The following ATF6 variants were observed in gnomAD, a reference collection of about 807,000 sequenced individuals.
ATF6 encodes activating transcription factor 6.
A neutral mutation model predicts 83.6 loss-of-function variants in ATF6; 53 were observed. The observed-to-expected ratio is 0.63, with a 90% CI of 0.51 to 0.80. The LOEUF is 0.80. ATF6 is among the 30% of genes least tolerant of loss of function. ATF6 has a pLI of 0.00. For missense variants in ATF6, 744 were observed against 797.9 expected, an observed-to-expected ratio of 0.93 and a Z score of 0.81; for synonymous variants, 288 against 285.8, an observed-to-expected ratio of 1.01 and a Z score of -0.08.
Position 161,795,775 on chromosome 1 carries a change from A to G in ATF6, c.688+3448A>G, listed in dbSNP as rs540439717. On this transcript the variant is annotated intron_variant, in intron 6 of 15. Coordinates refer to ENST00000367942, the MANE Select transcript of ATF6 (RefSeq NM_007348.4). ...ACAGTAGTAACTATGTTCAGCTGCT[A>G]TTTAAGGCCCCAAACAATTCTTTGC... 4.6e-5 allele frequency among the ~76,000 whole-genome samples: 7 copies of G among 152,306 alleles called. No homozygotes were observed. The East Asian group carries it at 9.6e-4, about 21-fold the overall frequency.
intron 14 of ATF6, chr1:161,890,760 G>T (rs1687536234): frequency 6.5e-6 from 1 of 152,804 alleles, no homozygotes; most frequent in African/African-American, 2.4e-5. Flanking sequence ...ACTTGGGCGG[G>T]GGCGTGACTT....
At position 161,963,817 on chromosome 1, in the gene ATF6, C is replaced by G. The variant is rs1689152156; in HGVS notation, c.*5163C>G. ...GGTCTAAGTCCAGTAGGGCTTCATCCATGGAGCCATTAGAACTGAGGGGGG... is the reference window on the plus strand; with the variant it reads ...GGTCTAAGTCCAGTAGGGCTTCATCGATGGAGCCATTAGAACTGAGGGGGG... On this transcript the variant is annotated 3_prime_UTR_variant, in exon 16 of 16. Coordinates refer to ENST00000367942, the MANE Select transcript of ATF6 (RefSeq NM_007348.4). The G allele has an allele frequency of 6.6e-6, 1 of 152,140 alleles. No individual in the cohort carries two copies. The highest frequency in any genetic ancestry group is 1.9e-4 in the East Asian group (1 of 5,194). 9.4% of individuals were successfully genotyped at this position (152,140 alleles called of 1,614,324 possible). A position where few individuals can be genotyped will look rare whatever the true frequency, so the allele number is the denominator to read the frequency against.
At chr1:161,808,406 C>CATTCA (rs1685356732) in intron 7 of ATF6, among the ~76,000 whole-genome samples, 6 of 152,174 alleles carry the variant, frequency 3.9e-5, no homozygotes, top group African/African-American at 1.4e-4. Flanking sequence ...CTTCTGGAGA[C>CATTCA]AGTTCTTTAA....
At chr1:161,905,915 C>A (rs1198551078) in intron 14 of ATF6, among the ~76,000 whole-genome samples, 4 of 152,080 alleles carry the variant, frequency 2.6e-5, no homozygotes, top group Non-Finnish European at 5.9e-5. Flanking sequence ...TCACTGCAAG[C>A]TCAGCCTCCC....
chr1:161,868,123 A>G (rs1687047417), intron 14 of ATF6, among the ~76,000 whole-genome samples: 1 of 152,172 alleles, frequency 6.6e-6, no homozygotes, highest in African/African-American at 2.4e-5. Flanking sequence ...GTTTATTGTC[A>G]TTTCTGATTT....
At chr1:161,861,680 A>G (rs1031292283) in intron 13 of ATF6, among the ~76,000 whole-genome samples, 2 of 152,158 alleles carry the variant, frequency 1.3e-5, no homozygotes, top group Non-Finnish European at 2.9e-5. Context: ...GTAACCCCTA[A>G]TATTAGCAGT....
At chr1:161,909,827 G>A (rs1458971300) in intron 14 of ATF6, among the ~76,000 whole-genome samples, 1 of 152,122 alleles carries the variant, frequency 6.6e-6, no homozygotes, top group Non-Finnish European at 1.5e-5. Flanking sequence ...ATGGTGGCGG[G>A]CGCCTGTAGT....
chr1:161,826,229 A>G (rs1477567508), intron 9 of ATF6, among the ~76,000 whole-genome samples: 5 of 152,136 alleles, frequency 3.3e-5, no homozygotes, highest in African/African-American at 9.7e-5. Context: ...GGGACATCTC[A>G]TTGTGGAAGC....
chr1:161,775,846 G>A (rs1002287798), intron 1 of ATF6, among the ~76,000 whole-genome samples: 1 of 151,934 alleles, frequency 6.6e-6, no homozygotes, highest in Admixed American at 6.6e-5. Context: ...GGATGTCATT[G>A]CTTCTAGGAC....
intron 15 of ATF6, among the ~76,000 whole-genome samples, chr1:161,930,065 T>A (rs1480011330): frequency 6.6e-6 from 1 of 152,202 alleles, no homozygotes; most frequent in Non-Finnish European, 1.5e-5. Context: ...AGGTAGGTGA[T>A]CTTTAAAGTT....
rs1290514066 is a variant in ATF6, at chr1:161,962,587, C to G, written c.*3933C>G. On this transcript the variant is annotated 3_prime_UTR_variant, in exon 16 of 16. Transcript: ENST00000367942. ...CATTGCAAAGTTTCAAAGTGACTTTCACTTTCAACAACATATTAGAAGTAA... is the reference window on the plus strand; with the variant it reads ...CATTGCAAAGTTTCAAAGTGACTTTGACTTTCAACAACATATTAGAAGTAA... The G allele has an allele frequency of 6.6e-6, 1 of 152,198 alleles. No individual in the cohort carries two copies. Among genetic ancestry groups the G allele is most frequent in the Non-Finnish European group, 1.5e-5 (1 of 68,044 alleles). The allele number at this position is 152,198 out of a possible 1,614,324, so 9.4% of individuals were successfully genotyped here.
intron 13 of ATF6, among the ~76,000 whole-genome samples, chr1:161,860,657 GTTTTACATGTATTTTATCT>G (rs1413931989): frequency 6.6e-6 from 1 of 151,826 alleles, no homozygotes; most frequent in African/African-American, 2.4e-5. Flanking sequence ...CCTGCTGAGT[GTTTTACATGTATTTTATCT>G]TTAAATCCAT....
At chr1:161,947,902 A>G (rs1441746333) in intron 15 of ATF6, among the ~76,000 whole-genome samples, 1 of 129,140 alleles carries the variant, frequency 7.7e-6, no homozygotes, top group Non-Finnish European at 1.5e-5. Flanking sequence ...TCAGCTCACT[A>G]CAACCTCTGC....
At chr1:161,885,547 A>C (rs1248485002) in intron 14 of ATF6, among the ~76,000 whole-genome samples, 3 of 152,176 alleles carry the variant, frequency 2.0e-5, no homozygotes, top group Non-Finnish European at 2.9e-5. Context: ...AAAGCCCAGA[A>C]GATTCCTGTT....
chr1:161,838,751 C>T (rs1686282085), intron 9 of ATF6, among the ~76,000 whole-genome samples: 1 of 152,186 alleles, frequency 6.6e-6, no homozygotes, highest in South Asian at 2.1e-4. Flanking sequence ...GCCCATTTGG[C>T]AAATAGCCAC....
chr1:161,892,619 C>A (rs1432647706), intron 14 of ATF6, among the ~76,000 whole-genome samples: 1 of 148,752 alleles, frequency 6.7e-6, no homozygotes, highest in Non-Finnish European at 1.5e-5. Flanking sequence ...TCAGGTTATA[C>A]AGGTCATTCT....
chr1:161,867,070 G>A (rs915238824), intron 14 of ATF6, among the ~76,000 whole-genome samples: 1 of 152,186 alleles, frequency 6.6e-6, no homozygotes, highest in Non-Finnish European at 1.5e-5. Flanking sequence ...CGAGGCGGGT[G>A]GATCACGAGG....
intron 9 of ATF6, among the ~76,000 whole-genome samples, chr1:161,831,298 G>A (rs949260932): frequency 1.3e-5 from 2 of 152,212 alleles, no homozygotes. Context: ...GGAAGCAACA[G>A]GTGCTGTAGA....
intron 14 of ATF6, among the ~76,000 whole-genome samples, chr1:161,869,634 A>G (rs1249056030): frequency 6.6e-6 from 1 of 151,898 alleles, no homozygotes; most frequent in Non-Finnish European, 1.5e-5. Flanking sequence ...GCTTTTTAAA[A>G]TTAATTTTTA....
Sources: gnomAD v4.1 joint callset for allele counts (sites outside exome capture counted in the v4.1 genomes callset) on GRCh38, gnomAD v4.1.1 for gene constraint, MANE v1.5 for transcripts, NCBI Gene and HGNC (gene_info 2026-07-23, HGNC 2026-07-21) for gene names.